Variants in CCDC85C observed in about 807,000 individuals in gnomAD.
CCDC85C encodes the protein coiled-coil domain-containing protein 85C.
In CCDC85C, 18 loss-of-function variants were observed where a neutral mutation model predicts 38.3. That is an observed-to-expected ratio of 0.47 (90% CI 0.33 to 0.70). The LOEUF is 0.70. Among genes scored for constraint, CCDC85C ranks in the 30% least tolerant of loss-of-function variants. CCDC85C has a pLI of 0.03. For missense variants in CCDC85C, 566 were observed against 621.2 expected, an observed-to-expected ratio of 0.91 and a Z score of 0.94; for synonymous variants, 264 against 293.8, an observed-to-expected ratio of 0.90 and a Z score of 1.04.
At position 99,502,395 on chromosome 14, in the gene CCDC85C, G is replaced by A. The variant is rs368427684; in HGVS notation, c.*12851C>T. The A allele has an allele frequency of 1.2e-4, 198 of 1,610,676 alleles. No homozygotes were observed. The highest frequency in any genetic ancestry group is 1.5e-4 in the Non-Finnish European group (178 of 1,178,148). On this transcript the variant is annotated 3_prime_UTR_variant, in exon 6 of 6. Coordinates refer to ENST00000380243, the MANE Select transcript of CCDC85C (RefSeq NM_001144995.2). ...TTGGAAGGTACCAGGCATGCTAAGC[G>A]TTCTCGTGAGGGTGTTCCATGTTGA...
intron 1 of CCDC85C, among the ~76,000 whole-genome samples, chr14:99,584,242 A>G (rs879158660): frequency 6.6e-6 from 1 of 152,162 alleles, no homozygotes; most frequent in Non-Finnish European, 1.5e-5. Flanking sequence ...TTTTTAAATC[A>G]TAATTTTGAG....
intron 2 of CCDC85C, among the ~76,000 whole-genome samples, chr14:99,532,624 G>T (rs994995128): frequency 6.6e-6 from 1 of 152,108 alleles, no homozygotes; most frequent in Non-Finnish European, 1.5e-5. Context: ...CCAAAGGCAG[G>T]CTTGGGACCC....
chr14:99,510,500 G>A lies in CCDC85C; in HGVS notation c.*4746C>T, dbSNP rs1201699958. On this transcript the variant is annotated 3_prime_UTR_variant, in exon 6 of 6. Coordinates refer to ENST00000380243, the MANE Select transcript of CCDC85C (RefSeq NM_001144995.2). The stretch of plus-strand genomic sequence containing the variant: ...CGCCCAACCCGCCCCCGCCACCTGT[G>A]CCTCCTCCCCCAGCCTCCTTCCCCC... The A allele has an allele frequency of 1.6e-6, 1 of 625,564 alleles. No homozygotes were observed. Among genetic ancestry groups the A allele is most frequent in the Non-Finnish European group, 2.2e-6 (1 of 445,666 alleles). 38.8% of individuals were successfully genotyped at this position (625,564 alleles called of 1,614,324 possible).
In CCDC85C at chr14:99,516,987, C is replaced by G; in HGVS notation, c.1071+101G>C. 8.8e-7 allele frequency: 1 copy of G among 1,138,044 alleles called. No homozygotes were observed. The highest frequency in any genetic ancestry group is 2.6e-5 in the East Asian group (1 of 39,032). 70.5% of individuals were successfully genotyped at this position (1,138,044 alleles called of 1,614,324 possible). ...AGCCACCCACACACAGATGAAACCT[C>G]CCACCCCTGCCACTTGGATACCCCT... is the stretch of plus-strand genomic sequence containing the variant. On this transcript the variant is annotated intron_variant, in intron 4 of 5. Transcript: ENST00000380243. This position sits in a 1 kb window ranked among gnomAD's most constrained non-coding sequence, Gnocchi z 5.5.
rs534035676 is a variant in CCDC85C at position 99,603,199 on chromosome 14, G to A, written c.761C>T (p.Pro254Leu). The A allele has an allele frequency of 1.6e-4, 225 of 1,426,202 alleles. No individual in the cohort carries two copies. In the African/African-American group the frequency reaches 3.1e-3, roughly 20 times the overall value. 88.3% of individuals were successfully genotyped at this position (1,426,202 alleles called of 1,614,324 possible). A position where few individuals can be genotyped will look rare whatever the true frequency, so the allele number is the denominator to read the frequency against. Residue 254 changes from proline to leucine, a missense_variant, in exon 1 of 6, where the codon CCG becomes CTG. Physicochemically the swap from Pro to Leu is moderately conservative, Grantham distance 98. Coordinates refer to ENST00000380243, the MANE Select transcript of CCDC85C (RefSeq NM_001144995.2). The surrounding 1 kb of genome is among the most constrained non-coding windows in gnomAD (Gnocchi z 7.5). ...RRSLDDLSAP[P>L]HHRSIPNGLH... ...GCCGTTGGGGATGCTGCGGTGGTGC[G>A]GCGGCGCCGACAAGTCGTCCAGGGA...
chr14:99,577,171 C>A (rs76992415), intron 1 of CCDC85C, among the ~76,000 whole-genome samples: 1 of 151,992 alleles, frequency 6.6e-6, no homozygotes, highest in Admixed American at 6.5e-5. Context: ...CCTCACTCCC[C>A]CTTCCCAGGC....
chr14:99,552,165 C>A (rs554910589), intron 1 of CCDC85C, among the ~76,000 whole-genome samples: 44 of 152,298 alleles, frequency 2.9e-4, no homozygotes, highest in African/African-American at 9.4e-4. Flanking sequence ...GCCTGCGCCC[C>A]AAAAAGCCCC....
rs757937100 is a variant in CCDC85C, at chr14:99,585,397, G to A, written c.793+17770C>T. Among the ~76,000 whole-genome samples, 10 of 152,312 alleles carry A rather than the reference G, an allele frequency of 6.6e-5. No individual in the cohort carries two copies. In the Middle Eastern group the frequency reaches 0.01, roughly 155 times the overall value. ...GGTGTGGGGACCCCAGAGCCAGAGT[G>A]TAGGGTCAAACCCCCGCTCTGCCGC... On this transcript the variant is annotated intron_variant, in intron 1 of 5. Coordinates refer to ENST00000380243, the MANE Select transcript of CCDC85C (RefSeq NM_001144995.2).
intron 1 of CCDC85C, among the ~76,000 whole-genome samples, chr14:99,574,728 C>T (rs539373914): frequency 6.6e-6 from 1 of 152,198 alleles, no homozygotes; most frequent in Non-Finnish European, 1.5e-5. Flanking sequence ...TGTGTCCGCC[C>T]GAGGGGCACC....
intron 1 of CCDC85C, among the ~76,000 whole-genome samples, chr14:99,573,172 G>A (rs1015628545): frequency 2.0e-5 from 3 of 152,214 alleles, no homozygotes; most frequent in Admixed American, 6.5e-5. Context: ...GTCCCCGCGG[G>A]ACCTGCTGCT....
At chr14:99,527,132 G>A (rs1897401011) in intron 2 of CCDC85C, among the ~76,000 whole-genome samples, 1 of 152,236 alleles carries the variant, frequency 6.6e-6, no homozygotes, top group Non-Finnish European at 1.5e-5. Context: ...GTTCCCACGA[G>A]GGCACGCAGG....
intron 1 of CCDC85C, among the ~76,000 whole-genome samples, chr14:99,586,137 A>ACGGGGC (rs1442305976): frequency 5.9e-5 from 9 of 152,322 alleles, no homozygotes; most frequent in African/African-American, 1.4e-4. Context: ...GCAGGGCAAC[A>ACGGGGC]CGGGGCCAGG....
chr14:99,531,364 G>GC (rs1391697414), intron 2 of CCDC85C, among the ~76,000 whole-genome samples: 3 of 152,136 alleles, frequency 2.0e-5, no homozygotes, highest in African/African-American at 7.2e-5. Context: ...AATTACAGCC[G>GC]CCCCCAGCCC....
chr14:99,538,234 C>T (rs899539249), intron 1 of CCDC85C, among the ~76,000 whole-genome samples: 4 of 151,870 alleles, frequency 2.6e-5, no homozygotes, highest in Admixed American at 2.6e-4. Flanking sequence ...CCTTCCAGCC[C>T]CTCTCCCCAC....
intron 2 of CCDC85C, chr14:99,534,820 C>G: frequency 1.5e-6 from 1 of 658,928 alleles, no homozygotes; most frequent in South Asian, 1.6e-5. Context: ...CAAAGCCCTT[C>G]ACCATAGGGC....
intron 1 of CCDC85C, among the ~76,000 whole-genome samples, chr14:99,555,859 G>A (rs962533294): frequency 2.0e-5 from 3 of 152,196 alleles, no homozygotes; most frequent in East Asian, 1.9e-4. Flanking sequence ...CCCAAACCAC[G>A]TAATCAAGTT....
At chr14:99,542,367 G>T (rs1220886583) in intron 1 of CCDC85C, among the ~76,000 whole-genome samples, 2 of 152,210 alleles carry the variant, frequency 1.3e-5, no homozygotes, top group Non-Finnish European at 2.9e-5. Flanking sequence ...CAACTGCGGG[G>T]AGCTCCAAGA....
At chr14:99,556,197 A>C (rs1281920767) in intron 1 of CCDC85C, among the ~76,000 whole-genome samples, 2 of 152,260 alleles carry the variant, frequency 1.3e-5, no homozygotes, top group Non-Finnish European at 2.9e-5. Flanking sequence ...AGCAAGGATC[A>C]CTTGAGCCCA....
intron 1 of CCDC85C, among the ~76,000 whole-genome samples, chr14:99,570,141 T>C (rs1418418930): frequency 6.6e-6 from 1 of 151,890 alleles, no homozygotes; most frequent in Non-Finnish European, 1.5e-5. Context: ...CTTTCACATC[T>C]GTTCTGAGTG....
Sources: gnomAD v4.1 joint callset for allele counts (sites outside exome capture counted in the v4.1 genomes callset) on GRCh38, gnomAD v4.1.1 for gene constraint, Gnocchi (gnomAD v3.1) non-coding constraint, MANE v1.5 for transcripts, NCBI Gene and HGNC (gene_info 2026-07-23, HGNC 2026-07-21) for gene names.